DACH1: variants seen among roughly 807,000 people sequenced by gnomAD.
The protein encoded by DACH1 is dachshund family transcription factor 1.
DACH1 carries 12 observed loss-of-function variants against 54.2 expected under a neutral mutation model. The observed-to-expected ratio is 0.22, with a 90% CI of 0.14 to 0.36. The LOEUF is 0.36. DACH1 is among the 10% of genes least tolerant of loss of function. The pLI is 1.00. For missense variants in DACH1, 805 were observed against 929.8 expected (o/e 0.87, Z 1.75); for synonymous variants, 386 against 366.2 (o/e 1.05, Z -0.62).
chr13:71,502,068 A>G (rs527518154), intron 6 of DACH1, among the ~76,000 whole-genome samples: 1 of 152,302 alleles, frequency 6.6e-6, no homozygotes, highest in East Asian at 1.9e-4. Flanking sequence ...TCAAAAATAC[A>G]TTAATATGTG....
chr13:71,568,609 T>G (rs1018779502), intron 4 of DACH1, among the ~76,000 whole-genome samples: 2 of 152,072 alleles, frequency 1.3e-5, no homozygotes, highest in Non-Finnish European at 2.9e-5. Context: ...GCTATTGAGA[T>G]GCAAATTTTA....
chr13:71,547,134 C>G (rs1883514901), intron 6 of DACH1, among the ~76,000 whole-genome samples: 1 of 152,072 alleles, frequency 6.6e-6, no homozygotes, highest in Non-Finnish European at 1.5e-5. Flanking sequence ...AAATAAAGGT[C>G]TGAGGTTATT....
intron 6 of DACH1, among the ~76,000 whole-genome samples, chr13:71,529,343 C>T (rs1882254102): frequency 2.0e-5 from 3 of 151,914 alleles, no homozygotes; most frequent in South Asian, 2.1e-4. Context: ...CTTGACACCA[C>T]GCCCAGCTAT....
In DACH1 at chr13:71,440,109, C is replaced by T. The variant is rs1370331352; in HGVS notation, c.*546G>A. ...AAAAAAAATTCTTCAGGAGAAAACC[C>T]ACAATTAGAGAGTTTGAAATTGAAT... On this transcript the variant is annotated 3_prime_UTR_variant, in exon 11 of 11. Transcript: ENST00000613252. 1 of 151,808 alleles carries T rather than the reference C, an allele frequency of 6.6e-6. No individual in the cohort carries two copies. Among genetic ancestry groups the T allele is most frequent in the East Asian group, 1.9e-4 (1 of 5,170 alleles). 9.4% of individuals were successfully genotyped at this position (151,808 alleles called of 1,614,324 possible). A position where few individuals can be genotyped will look rare whatever the true frequency, so the allele number is the denominator to read the frequency against.
At chr13:71,495,176 T>C (rs1030798352) in intron 6 of DACH1, among the ~76,000 whole-genome samples, 1 of 152,044 alleles carries the variant, frequency 6.6e-6, no homozygotes, top group African/African-American at 2.4e-5. Context: ...ACAAAGAGAT[T>C]CACAATTATT....
chr13:71,462,683 G>A (rs1288166418), intron 10 of DACH1, among the ~76,000 whole-genome samples: 1 of 151,856 alleles, frequency 6.6e-6, no homozygotes, highest in Non-Finnish European at 1.5e-5. Flanking sequence ...TTCTTTACGT[G>A]TATTAATTCA....
chr13:71,611,821 G>C (rs947600232), intron 3 of DACH1, among the ~76,000 whole-genome samples: 1 of 152,064 alleles, frequency 6.6e-6, no homozygotes, highest in Non-Finnish European at 1.5e-5. Flanking sequence ...GCTGATGAAA[G>C]CTTTTTTGCC....
chr13:71,706,329 A>T lies in DACH1; in HGVS notation c.849-24419T>A, dbSNP rs534672699. Among the ~76,000 whole-genome samples, 9 of 152,028 alleles carry T rather than the reference A, an allele frequency of 5.9e-5. No individual in the cohort carries two copies. In the East Asian group the frequency reaches 1.7e-3, roughly 29 times the overall value. ...CATTTAAGAACTTAGTATTAATTGA[A>T]ATCTATTGGGTAGCATATTTATATT... On this transcript the variant is annotated intron_variant, in intron 1 of 10. Transcript: ENST00000613252.
intron 7 of DACH1, among the ~76,000 whole-genome samples, chr13:71,479,528 G>T (rs1877858423): frequency 6.6e-6 from 1 of 152,124 alleles, no homozygotes; most frequent in Non-Finnish European, 1.5e-5. Context: ...TTTATGGCAT[G>T]CAGGTTTAAT....
At chr13:71,846,239 T>C (rs1451731279) in intron 1 of DACH1, 3 of 252,162 alleles carry the variant, frequency 1.2e-5, no homozygotes, top group Non-Finnish European at 2.5e-5. Context: ...GCATGGTTCA[T>C]GCCAAATTCC....
At chr13:71,508,753 C>G (rs994620098) in intron 6 of DACH1, among the ~76,000 whole-genome samples, 3 of 152,118 alleles carry the variant, frequency 2.0e-5, no homozygotes, top group Non-Finnish European at 4.4e-5. Flanking sequence ...CAGGCAGGAG[C>G]CACTGCACCT....
At chr13:71,827,587 T>C (rs535120317) in intron 1 of DACH1, among the ~76,000 whole-genome samples, 2 of 152,132 alleles carry the variant, frequency 1.3e-5, no homozygotes, top group African/African-American at 2.4e-5. Flanking sequence ...CATCAAAAGA[T>C]TGTCAACGTA....
At chr13:71,659,000 G>C (rs146876169) in intron 2 of DACH1, among the ~76,000 whole-genome samples, 432 of 152,128 alleles carry the variant, frequency 2.8e-3, no homozygotes, top group Non-Finnish European at 4.5e-3. Context: ...TCTCAGAAAA[G>C]TTTATTCACA....
At chr13:71,660,024 A>C (rs2138649157) in intron 2 of DACH1, among the ~76,000 whole-genome samples, 1 of 152,304 alleles carries the variant, frequency 6.6e-6, no homozygotes, top group Admixed American at 6.5e-5. Flanking sequence ...AGAGAATAAT[A>C]TTTTGGTCAA....
chr13:71,784,564 C>A (rs1340103941), intron 1 of DACH1, among the ~76,000 whole-genome samples: 1 of 152,054 alleles, frequency 6.6e-6, no homozygotes, highest in Non-Finnish European at 1.5e-5. Context: ...TTATCTATCA[C>A]TTTTTACTCC....
intron 6 of DACH1, among the ~76,000 whole-genome samples, chr13:71,538,452 C>T (rs1197439767): frequency 6.6e-6 from 1 of 151,376 alleles, no homozygotes; most frequent in Non-Finnish European, 1.5e-5. Flanking sequence ...CAAAAGAAAC[C>T]TTGGAAGGTC....
chr13:71,544,232 T>C (rs1052682960), intron 6 of DACH1, among the ~76,000 whole-genome samples: 25 of 152,148 alleles, frequency 1.6e-4, no homozygotes, highest in Non-Finnish European at 3.1e-4. Context: ...TGCGTATTCC[T>C]TATTGCCAGT....
At position 71,693,369 on chromosome 13, in the gene DACH1, C is replaced by T. The variant is rs567997903; in HGVS notation, c.849-11459G>A. On this transcript the variant is annotated intron_variant, in intron 1 of 10. Coordinates refer to ENST00000613252, the MANE Select transcript of DACH1 (RefSeq NM_080759.6). ...CCAGGCTGGAGTGCAGTGGTGTGATCTCGGCTCACTGCAAGCTCCGCCTCC... is the reference window on the plus strand; with the variant it reads ...CCAGGCTGGAGTGCAGTGGTGTGATTTCGGCTCACTGCAAGCTCCGCCTCC... Among the ~76,000 whole-genome samples the T allele has an allele frequency of 2.4e-5, 3 of 126,788 alleles. No homozygotes were observed. The South Asian group carries it at 7.8e-4, about 33-fold the overall frequency. 83.2% of individuals were successfully genotyped at this position (126,788 alleles called of 152,430 possible). A position where few individuals can be genotyped will look rare whatever the true frequency, so the allele number is the denominator to read the frequency against.
At chr13:71,560,317 T>A (rs562227138) in intron 4 of DACH1, among the ~76,000 whole-genome samples, 1 of 152,296 alleles carries the variant, frequency 6.6e-6, no homozygotes, top group Non-Finnish European at 1.5e-5. Context: ...TGAAGAAATC[T>A]TTAAATATAT....
Sources: allele counts gnomAD v4.1 joint callset (sites outside exome capture counted in the v4.1 genomes callset), GRCh38; gene constraint gnomAD v4.1.1; transcripts MANE v1.5; gene names NCBI Gene and HGNC (gene_info 2026-07-23, HGNC 2026-07-21).